TNRC6A: variants seen among roughly 807,000 people sequenced by gnomAD.
TNRC6A encodes trinucleotide repeat-containing gene 6A protein.
A neutral mutation model predicts 221.2 loss-of-function variants in TNRC6A; 44 were observed. That is an observed-to-expected ratio of 0.20 (90% CI 0.16 to 0.26). The LOEUF (loss-of-function observed/expected upper bound fraction) is 0.26, where lower values mean the gene tolerates loss of function less well. Among genes scored for constraint, TNRC6A ranks in the 10% least tolerant of loss-of-function variants. The pLI is 1.00. For synonymous variants in TNRC6A, 847 were observed against 838.5 expected (o/e 1.01, Z -0.18); for missense variants, 2,199 against 2,404.4 (o/e 0.91, Z 1.79).
intron 2 of TNRC6A, among the ~76,000 whole-genome samples, chr16:24,666,456 A>T (rs1247353604): frequency 1.0e-4 from 14 of 138,332 alleles, no homozygotes; most frequent in Middle Eastern, 3.7e-3. Context: ...CTGGGAACAG[A>T]GCAAGACTCC....
At position 24,795,802 on chromosome 16, in the gene TNRC6A, A is replaced by T. The variant is rs1048928393; in HGVS notation, c.3529-105A>T. 4.8e-5 allele frequency: 53 copies of T among 1,098,656 alleles called. 1 individual carries two copies. The highest frequency in any genetic ancestry group is 7.7e-5 in the East Asian group (3 of 39,162). The allele number at this position is 1,098,656 out of a possible 1,614,324, so 68.1% of individuals were successfully genotyped here. ...TGGTGACTTGCCCAAAGTTGCGATA[A>T]CTAGTAAGCGACAGAGTAAGGACTT... On this transcript the variant is annotated intron_variant, in intron 8 of 24. Transcript: ENST00000395799.
At chr16:24,787,056 A>G (rs577507521) in intron 5 of TNRC6A, among the ~76,000 whole-genome samples, 2 of 152,322 alleles carry the variant, frequency 1.3e-5, no homozygotes, top group African/African-American at 4.8e-5. Context: ...TCACACAGCT[A>G]GTAAATGGTA....
intron 21 of TNRC6A, among the ~76,000 whole-genome samples, chr16:24,818,935 G>A (rs2058709970): frequency 6.6e-6 from 1 of 151,630 alleles, no homozygotes; most frequent in Admixed American, 6.6e-5. Context: ...AGCCACAGCA[G>A]CTCTGTAATT....
Position 24,823,614 on chromosome 16 carries a change from A to G in TNRC6A, c.5696A>G (p.His1899Arg), listed in dbSNP as rs754804334. The G allele has an allele frequency of 3.1e-6, 5 of 1,614,022 alleles. No individual in the cohort carries two copies. The highest frequency in any genetic ancestry group is 4.2e-6 in the Non-Finnish European group (5 of 1,179,982). Reference sequence around the variant, plus strand: ...TTCTCCAGCCGGACCGATCTCAATCACTGGAATGGTGCTGGGCTGTCGGGA... The same window carrying G: ...TTCTCCAGCCGGACCGATCTCAATCGCTGGAATGGTGCTGGGCTGTCGGGA... ...HSFSSRTDLN[H>R]WNGAGLSGTN... The change falls in exon 25 of 25, where the codon CAC (histidine) becomes CGC (arginine). Residue 1899 changes from histidine to arginine, a missense_variant. Around this residue, in one of 8 missense-constraint regions of TNRC6A, gnomAD observed 130 missense variants for 121.7 expected, o/e 1.07. Transcript: ENST00000395799. This position sits in a 1 kb window ranked among gnomAD's most constrained non-coding sequence, Gnocchi z 4.3.
At chr16:24,633,637 C>T (rs1385459298) in intron 1 of TNRC6A, among the ~76,000 whole-genome samples, 2 of 152,182 alleles carry the variant, frequency 1.3e-5, no homozygotes, top group South Asian at 2.1e-4. Context: ...TCGTGACCCA[C>T]CCACCTCGGC....
chr16:24,761,811 G>T (rs72768680), intron 4 of TNRC6A, among the ~76,000 whole-genome samples: 1 of 152,160 alleles, frequency 6.6e-6, no homozygotes. Context: ...GACTGTAGGC[G>T]TGAGCCACCG....
intron 2 of TNRC6A, among the ~76,000 whole-genome samples, chr16:24,655,955 C>A (rs1346899446): frequency 6.6e-6 from 1 of 151,368 alleles, no homozygotes; most frequent in Non-Finnish European, 1.5e-5. Context: ...GCCTGGGCAA[C>A]CTACGGAGAC....
chr16:24,621,191 A>G (rs1900656457), intron 1 of TNRC6A, among the ~76,000 whole-genome samples: 1 of 151,796 alleles, frequency 6.6e-6, no homozygotes, highest in African/African-American at 2.4e-5. Flanking sequence ...AATAATTTTA[A>G]AAAAAACATG....
chr16:24,820,414 A>G (rs1388475190), intron 22 of TNRC6A, 54 bp downstream of exon 22: 2 of 1,507,668 alleles, frequency 1.3e-6, no homozygotes, highest in African/African-American at 1.4e-5. Flanking sequence ...AACGCTAACC[A>G]GTACTAACAG....
At chr16:24,655,779 C>T (rs913667577) in intron 2 of TNRC6A, among the ~76,000 whole-genome samples, 2 of 151,768 alleles carry the variant, frequency 1.3e-5, no homozygotes, top group Non-Finnish European at 2.9e-5. Flanking sequence ...TCAGTCTGAA[C>T]GAACAAAATA....
At chr16:24,643,108 A>ATATATATATATTTT (rs1567319457) in intron 2 of TNRC6A, among the ~76,000 whole-genome samples, 1 of 50,190 alleles carries the variant, frequency 2.0e-5, no homozygotes, top group Non-Finnish European at 4.5e-5. Flanking sequence ...ATATATATAT[A>ATATATATATATTTT]AAATATATAT....
chr16:24,726,174 G>A (rs542981231), upstream of TNRC6A, among the ~76,000 whole-genome samples: 1 of 152,100 alleles, frequency 6.6e-6, no homozygotes, highest in East Asian at 1.9e-4. Context: ...GTGAGACAAC[G>A]GTTAAGGTTT....
chr16:24,729,504 C>A (rs2056556644), upstream of TNRC6A, among the ~76,000 whole-genome samples: 1 of 151,838 alleles, frequency 6.6e-6, no homozygotes, highest in African/African-American at 2.4e-5. Flanking sequence ...GAGGCTGTGA[C>A]CTCCAGGGAG....
intron 4 of TNRC6A, among the ~76,000 whole-genome samples, chr16:24,767,852 T>A (rs2057506380): frequency 6.6e-6 from 1 of 152,178 alleles, no homozygotes; most frequent in African/African-American, 2.4e-5. Context: ...AATGTTCAGG[T>A]ATTATGTTTA....
rs58121129 is a variant in TNRC6A at position 24,739,532 on chromosome 16, G to A, written c.53+9232G>A. ...CTTGCTCTGTCGCCCAGGCTGGAGT[G>A]CAGTGGCATGATCTCAGCTCACTGC... is the stretch of plus-strand genomic sequence containing the variant. On this transcript the variant is annotated intron_variant, in intron 2 of 24. Coordinates refer to ENST00000395799, the MANE Select transcript of TNRC6A (RefSeq NM_014494.4). 8.2e-3 allele frequency among the ~76,000 whole-genome samples: 1,153 copies of A among 140,730 alleles called. 12 individuals carry two copies. The highest frequency in any genetic ancestry group is 0.028 in the African/African-American group (1,066 of 37,478). 92.3% of individuals were successfully genotyped at this position (140,730 alleles called of 152,430 possible).
At chr16:24,629,545 G>T (rs1901222999) in intron 1 of TNRC6A, among the ~76,000 whole-genome samples, 2 of 152,092 alleles carry the variant, frequency 1.3e-5, no homozygotes, top group Non-Finnish European at 2.9e-5. Context: ...TTAAATTTGT[G>T]TCCATAAATC....
At position 24,804,158 on chromosome 16, in the gene TNRC6A, A is replaced by G; in HGVS notation, c.3695-19A>G. On this transcript the variant is annotated intron_variant, in intron 11 of 24. Coordinates refer to ENST00000395799, the MANE Select transcript of TNRC6A (RefSeq NM_014494.4). ...TTGGGTTGTCTTCCTGTTTGATAAC[A>G]GTCTCCTGCCTTTATTAGGAATGTT... The G allele has an allele frequency of 6.4e-7, 1 of 1,573,550 alleles. No individual in the cohort carries two copies. The highest frequency in any genetic ancestry group is 1.2e-5 in the South Asian group (1 of 83,290).
At chr16:24,661,279 A>G (rs1596617271) in intron 2 of TNRC6A, 1 of 151,488 alleles carries the variant, frequency 6.6e-6, no homozygotes, top group East Asian at 2.0e-4. Flanking sequence ...ATCACTGGGT[A>G]AGGTATGTCT....
intron 23 of TNRC6A, 98 bp from the exon 24 acceptor site, chr16:24,822,776 C>G (rs1239548249): frequency 1.3e-6 from 2 of 1,515,302 alleles, no homozygotes; most frequent in African/African-American, 2.7e-5. Context: ...AGCACAGAGC[C>G]TCAGGAAAGA....
Sources: gnomAD v4.1 joint callset for allele counts (sites outside exome capture counted in the v4.1 genomes callset) on GRCh38, gnomAD v4.1.1 for gene constraint, gnomAD v4.1.1 regional missense constraint, Gnocchi (gnomAD v3.1) non-coding constraint, MANE v1.5 for transcripts, NCBI Gene and HGNC (gene_info 2026-07-23, HGNC 2026-07-21) for gene names.